Variants in DOCK4 observed in about 807,000 individuals in gnomAD.
DOCK4 encodes the protein dedicator of cytokinesis 4.
A neutral mutation model predicts 268.1 loss-of-function variants in DOCK4; 97 were observed. The ratio of observed to expected loss-of-function variants is 0.36; its 90% CI spans 0.31 to 0.43. The LOEUF (loss-of-function observed/expected upper bound fraction) is 0.43, where lower values mean the gene tolerates loss of function less well. DOCK4 is among the 20% of genes least tolerant of loss of function. The pLI is 1.00. For synonymous variants in DOCK4, 954 were observed against 887.2 expected (o/e 1.08, Z -1.34); for missense variants, 2,145 against 2,455.7 (o/e 0.87, Z 2.67).
chr7:112,090,395 C>A (rs1054018828), intron 1 of DOCK4, among the ~76,000 whole-genome samples: 4 of 152,110 alleles, frequency 2.6e-5, no homozygotes, highest in African/African-American at 9.7e-5. Context: ...CATATTTTCA[C>A]AAGTAAAAAC....
chr7:112,000,337 C>T (rs1224556385), intron 3 of DOCK4, among the ~76,000 whole-genome samples, 157 bp downstream of exon 3: 1 of 152,032 alleles, frequency 6.6e-6, no homozygotes, highest in South Asian at 2.1e-4. Flanking sequence ...TAACTATAAT[C>T]CAAGTTCAAA....
intron 27 of DOCK4, 141 bp downstream of exon 27, chr7:111,822,221 C>G (rs905221649): frequency 1.6e-6 from 1 of 631,538 alleles, no homozygotes; most frequent in African/African-American, 1.9e-5. Flanking sequence ...TAATTCTAAA[C>G]AAGTGGTAAC....
In DOCK4 at chr7:111,728,466, G is replaced by A. The variant is rs1464707495; in HGVS notation, c.5736C>T (p.Tyr1912=). Reference sequence around the variant, plus strand: ...GCCGCAGAGTCCGCTCGTAGACGCTGTACGGGGGCGGAGTCTTGCTCTCCT... The same window carrying A: ...GCCGCAGAGTCCGCTCGTAGACGCTATACGGGGGCGGAGTCTTGCTCTCCT... ...VRKESKTPPP[Y]SVYERTLRRP... The change falls in exon 53 of 53, where the codon TAC becomes TAT. Residue 1912 remains tyrosine, a synonymous_variant. Coordinates refer to ENST00000428084, the MANE Select transcript of DOCK4 (RefSeq NM_001363540.2). The A allele has an allele frequency of 1.2e-6, 2 of 1,610,978 alleles. No homozygotes were observed. Among genetic ancestry groups the A allele is most frequent in the Non-Finnish European group, 1.7e-6 (2 of 1,178,724 alleles).
At chr7:112,085,945 T>A (rs1809045263) in intron 1 of DOCK4, among the ~76,000 whole-genome samples, 1 of 152,036 alleles carries the variant, frequency 6.6e-6, no homozygotes, top group Non-Finnish European at 1.5e-5. Context: ...AACAAGTACA[T>A]CCTTGAAACA....
chr7:112,172,002 T>C (rs999756756), intron 1 of DOCK4, among the ~76,000 whole-genome samples: 1 of 152,138 alleles, frequency 6.6e-6, no homozygotes, highest in African/African-American at 2.4e-5. Context: ...AATTTCCTCT[T>C]CTTATACAGA....
At chr7:111,954,864 G>A (rs959701763) in intron 8 of DOCK4, among the ~76,000 whole-genome samples, 3 of 152,184 alleles carry the variant, frequency 2.0e-5, no homozygotes, top group African/African-American at 4.8e-5. Flanking sequence ...AAAGAGCCTC[G>A]CACCAACCTG....
intron 6 of DOCK4, 66 bp from the exon 7 acceptor site, chr7:111,984,456 G>T (rs995127083): frequency 4.3e-6 from 6 of 1,407,604 alleles, no homozygotes; most frequent in Admixed American, 2.0e-5. Flanking sequence ...AAAACAATTG[G>T]TTTTTTACTA....
intron 1 of DOCK4, among the ~76,000 whole-genome samples, chr7:112,182,285 T>C (rs139912550): frequency 2.6e-5 from 4 of 152,346 alleles, no homozygotes; most frequent in Non-Finnish European, 4.4e-5. Context: ...TTCAAATCAA[T>C]TTTGAAATAC....
chr7:112,075,307 G>A (rs925005274), intron 1 of DOCK4, among the ~76,000 whole-genome samples: 3 of 152,214 alleles, frequency 2.0e-5, no homozygotes, highest in African/African-American at 7.2e-5. Context: ...ACTGGAGGAG[G>A]GACTTTTTGC....
At chr7:111,936,565 T>A (rs1794760611) in intron 11 of DOCK4, among the ~76,000 whole-genome samples, 1 of 152,132 alleles carries the variant, frequency 6.6e-6, no homozygotes. Context: ...TGGTAACTCA[T>A]AATGATTTGT....
chr7:111,783,956 G>A lies in DOCK4; in HGVS notation c.3429-4C>T, dbSNP rs868676890. 2 of 1,595,928 alleles carry A rather than the reference G, an allele frequency of 1.3e-6. No homozygotes were observed. Among genetic ancestry groups the A allele is most frequent in the Non-Finnish European group, 1.7e-6 (2 of 1,170,592 alleles). On this transcript the variant is annotated splice_region_variant and splice_polypyrimidine_tract_variant and intron_variant, in intron 33 of 52. Coordinates refer to ENST00000428084, the MANE Select transcript of DOCK4 (RefSeq NM_001363540.2). ...CCGCTCAATTTTCTTTAGTAGACTG[G>A]AAAAGAAAGAACCCGGGGCATTTTC... is the stretch of plus-strand genomic sequence containing the variant.
intron 27 of DOCK4, chr7:111,819,614 C>T (rs183333486): frequency 9.2e-5 from 14 of 152,240 alleles, no homozygotes; most frequent in Non-Finnish European, 1.3e-4. Context: ...AGGCAAGCTA[C>T]AAGATTTGGA....
At chr7:112,171,099 A>C (rs1302848062) in intron 1 of DOCK4, among the ~76,000 whole-genome samples, 11 of 152,220 alleles carry the variant, frequency 7.2e-5, no homozygotes, top group Admixed American at 7.2e-4. Flanking sequence ...TGTTAGAAAA[A>C]CTTTCACAAA....
At chr7:112,200,758 A>T (rs1378265341) in intron 1 of DOCK4, among the ~76,000 whole-genome samples, 1 of 148,042 alleles carries the variant, frequency 6.8e-6, no homozygotes, top group Non-Finnish European at 1.5e-5. Flanking sequence ...ACAAGATCAT[A>T]GAGGAAGAGC....
intron 1 of DOCK4, among the ~76,000 whole-genome samples, chr7:112,165,924 A>C (rs1170323395): frequency 6.6e-6 from 1 of 152,024 alleles, no homozygotes; most frequent in Admixed American, 6.6e-5. Flanking sequence ...CCCCCTCCAA[A>C]TAACTGCCAC....
chr7:112,091,557 A>T (rs1320982372), intron 1 of DOCK4, among the ~76,000 whole-genome samples: 1 of 152,198 alleles, frequency 6.6e-6, no homozygotes, highest in Non-Finnish European at 1.5e-5. Context: ...TTTCCAATAG[A>T]GACCATATCA....
chr7:111,917,335 T>C (rs1792695944), intron 12 of DOCK4, among the ~76,000 whole-genome samples: 1 of 152,086 alleles, frequency 6.6e-6, no homozygotes, highest in Non-Finnish European at 1.5e-5. Flanking sequence ...CTATATTTAC[T>C]ATATTAGTGA....
chr7:111,769,373 T>A lies in DOCK4; in HGVS notation c.3828+156A>T, dbSNP rs375442753. Reference sequence around the variant, plus strand: ...AATGGCTAGGAGTGGCACCTAGGAATCTGCATTTTAACAAGCTTTTGGGTG... The same window carrying A: ...AATGGCTAGGAGTGGCACCTAGGAAACTGCATTTTAACAAGCTTTTGGGTG... On this transcript the variant is annotated intron_variant, in intron 37 of 52. Coordinates refer to ENST00000428084, the MANE Select transcript of DOCK4 (RefSeq NM_001363540.2). Among the ~76,000 whole-genome samples, 4 of 152,240 alleles carry A rather than the reference T, an allele frequency of 2.6e-5. No individual in the cohort carries two copies. In the East Asian group the frequency reaches 5.8e-4, roughly 22 times the overall value.
At chr7:112,082,176 T>C (rs1563066982) in intron 1 of DOCK4, among the ~76,000 whole-genome samples, 3 of 152,154 alleles carry the variant, frequency 2.0e-5, no homozygotes. Context: ...ATATTGAACC[T>C]GAAAAACTTT....
Sources: gnomAD v4.1 joint callset for allele counts (sites outside exome capture counted in the v4.1 genomes callset) on GRCh38, gnomAD v4.1.1 for gene constraint, MANE v1.5 for transcripts, NCBI Gene and HGNC (gene_info 2026-07-23, HGNC 2026-07-21) for gene names.